Variants in PEX3 observed in about 807,000 individuals in gnomAD.
The protein encoded by PEX3 is peroxin-3.
A neutral mutation model predicts 55.8 loss-of-function variants in PEX3; 30 were observed. The ratio of observed to expected loss-of-function variants is 0.54; its 90% confidence interval spans 0.40 to 0.73. The LOEUF is 0.73. Ranked by LOEUF, PEX3 falls within the 30% of genes least tolerant of loss-of-function variation. The pLI, the probability that PEX3 is intolerant of heterozygous loss-of-function variation, is 0.00. For synonymous variants in PEX3, 135 were observed against 148.4 expected, an observed-to-expected ratio of 0.91 and a Z score of 0.66; for missense variants, 351 against 432.8, an observed-to-expected ratio of 0.81 and a Z score of 1.68.
chr6:143,468,362 GTTA>G (rs1410118241), intron 4 of PEX3, among the ~76,000 whole-genome samples, 197 bp downstream of exon 4: 1 of 152,156 alleles, frequency 6.6e-6, no homozygotes, highest in Non-Finnish European at 1.5e-5. Flanking sequence ...TAATGCTATT[GTTA>G]TTATGATGAT....
chr6:143,468,804 C>CA (rs1780026932), intron 4 of PEX3, among the ~76,000 whole-genome samples: 1 of 15,128 alleles, frequency 6.6e-5, no homozygotes, highest in Non-Finnish European at 1.6e-4. Flanking sequence ...AATGCTATCC[C>CA]CCCCCCCCCC....
At position 143,487,017 on chromosome 6, in the gene PEX3, G is replaced by A. The variant is rs532332852; in HGVS notation, c.1038+1769G>A. On this transcript the variant is annotated intron_variant, in intron 11 of 11. Transcript: ENST00000367591. This position sits in a 1 kb window ranked among gnomAD's most constrained non-coding sequence, Gnocchi z 5.3. Reference sequence around the variant, plus strand: ...CCATACTTTGCTGACCCCTTTGGTAGAAGATATTAGGATGGTAGTTGGTAA... The same window carrying A: ...CCATACTTTGCTGACCCCTTTGGTAAAAGATATTAGGATGGTAGTTGGTAA... Among the ~76,000 whole-genome samples, 1 of 152,300 alleles carries A rather than the reference G, an allele frequency of 6.6e-6. No homozygotes were observed. Among genetic ancestry groups the A allele is most frequent in the Non-Finnish European group, 1.5e-5 (1 of 68,012 alleles).
chr6:143,467,622 A>G (rs1780010338), intron 3 of PEX3, among the ~76,000 whole-genome samples: 1 of 152,142 alleles, frequency 6.6e-6, no homozygotes. Flanking sequence ...AGATTATACA[A>G]ATCAAAAGGA....
chr6:143,471,432 A>G lies in PEX3; in HGVS notation c.506A>G (p.Gln169Arg). Residue 169 changes from glutamine to arginine, a missense_variant, in exon 6 of 12, where the codon CAG (glutamine) becomes CGG (arginine). Coordinates refer to ENST00000367591, the MANE Select transcript of PEX3 (RefSeq NM_003630.3). This position sits in a 1 kb window ranked among gnomAD's most constrained non-coding sequence, Gnocchi z 5.4. Reference protein sequence around the residue: ...DVQQQYLSSIQHLLGDGLTEL... With the variant: ...DVQQQYLSSIRHLLGDGLTEL... ...CAACAGCAGTATTTATCAAGTATTC[A>G]GCACCTACTTGGAGATGGTAAGATT... 1 of 1,603,728 alleles carries G rather than the reference A, an allele frequency of 6.2e-7. No homozygotes were observed. The highest frequency in any genetic ancestry group is 1.1e-5 in the South Asian group (1 of 90,566).
chr6:143,485,312 T>G lies in PEX3; in HGVS notation c.1038+64T>G. ...ATATTTGTGGTGGTGGTCATGTTTGTCTAACATAAAGTTACATTCTCTGCT... is the reference window on the plus strand; with the variant it reads ...ATATTTGTGGTGGTGGTCATGTTTGGCTAACATAAAGTTACATTCTCTGCT... On this transcript the variant is annotated intron_variant, in intron 11 of 11. Coordinates refer to ENST00000367591, the MANE Select transcript of PEX3 (RefSeq NM_003630.3). The surrounding 1 kb of genome is among the most constrained non-coding windows in gnomAD (Gnocchi z 5.6). 1 of 923,682 alleles carries G rather than the reference T, an allele frequency of 1.1e-6. No homozygotes were observed. The highest frequency in any genetic ancestry group is 2.4e-5 in the East Asian group (1 of 41,634). 57.2% of individuals were successfully genotyped at this position (923,682 alleles called of 1,614,324 possible).
At chr6:143,477,582 A>C (rs1329843673) in intron 9 of PEX3, among the ~76,000 whole-genome samples, 3 of 152,136 alleles carry the variant, frequency 2.0e-5, no homozygotes, top group Non-Finnish European at 4.4e-5. Context: ...AGTATGTGGA[A>C]GTTCTCTTTG....
chr6:143,474,273 C>A (rs1463954193), intron 8 of PEX3, among the ~76,000 whole-genome samples: 1 of 151,944 alleles, frequency 6.6e-6, no homozygotes, highest in Non-Finnish European at 1.5e-5. Flanking sequence ...TATGGTGAAA[C>A]CCTGTCTCTA....
In PEX3 at chr6:143,485,222, A is replaced by G. The variant is rs551487082; in HGVS notation, c.1012A>G (p.Ser338Gly). 21 of 1,597,336 alleles carry G rather than the reference A, an allele frequency of 1.3e-5. No individual in the cohort carries two copies. The highest frequency in any genetic ancestry group is 1.8e-5 in the Non-Finnish European group (21 of 1,164,940). ...IVNGQIHSVC[S>G]ETPSHFVQDL... The stretch of plus-strand genomic sequence containing the variant: ...AAACGGACAGATCCATTCAGTTTGC[A>G]GTGAAACACCTAGTCATTTTGTTCA... Residue 338 changes from serine to glycine, a missense_variant, in exon 11 of 12, where the codon AGT becomes GGT. Physicochemically the swap from Ser to Gly is moderately conservative, Grantham distance 56. Transcript: ENST00000367591. This position sits in a 1 kb window ranked among gnomAD's most constrained non-coding sequence, Gnocchi z 5.6.
At chr6:143,477,007 A>G (rs1780162348) in intron 9 of PEX3, among the ~76,000 whole-genome samples, 1 of 152,212 alleles carries the variant, frequency 6.6e-6, no homozygotes, top group Admixed American at 6.5e-5. Context: ...AGACAATTGA[A>G]GAAATGTTTC....
intron 4 of PEX3, among the ~76,000 whole-genome samples, chr6:143,470,488 G>A (rs1446374224): frequency 6.6e-6 from 1 of 152,118 alleles, no homozygotes; most frequent in South Asian, 2.1e-4. Context: ...TGAACACCCT[G>A]TCCTAAGCTA....
At position 143,489,881 on chromosome 6, in the gene PEX3, A is replaced by G. The variant is rs1400347784; in HGVS notation, c.*655A>G. The stretch of plus-strand genomic sequence containing the variant: ...AGTTACATATTGGTTTAGAGGCTAA[A>G]ATTGTGTTGATGCTGTTTACTCACC... On this transcript the variant is annotated 3_prime_UTR_variant, in exon 12 of 12. Coordinates refer to ENST00000367591, the MANE Select transcript of PEX3 (RefSeq NM_003630.3). This position sits in a 1 kb window ranked among gnomAD's most constrained non-coding sequence, Gnocchi z 5.5. 6.6e-6 allele frequency: 1 copy of G among 152,158 alleles called. No individual in the cohort carries two copies. The highest frequency in any genetic ancestry group is 2.4e-5 in the African/African-American group (1 of 41,452). 9.4% of individuals were successfully genotyped at this position (152,158 alleles called of 1,614,324 possible).
At chr6:143,481,039 A>C (rs1371785168) in intron 10 of PEX3, among the ~76,000 whole-genome samples, 1 of 126,332 alleles carries the variant, frequency 7.9e-6, no homozygotes, top group Non-Finnish European at 1.6e-5. Flanking sequence ...TAAGGTTTTT[A>C]ACTATTGGCA....
chr6:143,457,777 C>G (rs1314449522), intron 1 of PEX3, among the ~76,000 whole-genome samples: 2 of 152,184 alleles, frequency 1.3e-5, no homozygotes, highest in East Asian at 3.9e-4. Flanking sequence ...GTTCTGTAAG[C>G]TTATTGAAGT....
rs1779952695 is a variant in PEX3, at chr6:143,463,565, T to C, written c.287+568T>C. Among the ~76,000 whole-genome samples, 1 of 152,054 alleles carries C rather than the reference T, an allele frequency of 6.6e-6. No individual in the cohort carries two copies. Among genetic ancestry groups the C allele is most frequent in the South Asian group, 2.1e-4 (1 of 4,824 alleles). On this transcript the variant is annotated intron_variant, in intron 3 of 11. Transcript: ENST00000367591. The surrounding 1 kb of genome is among the most constrained non-coding windows in gnomAD (Gnocchi z 5.7). ...GCATGTAGCATGTGTTGGGGTATTG[T>C]AATTTGGTATGATACTGTATTAGTT...
chr6:143,484,111 G>A (rs1780281061), intron 10 of PEX3, among the ~76,000 whole-genome samples: 1 of 152,142 alleles, frequency 6.6e-6, no homozygotes, highest in Non-Finnish European at 1.5e-5. Context: ...GCCCTAGGTT[G>A]AAATGTATGA....
At chr6:143,484,886 A>C (rs1484166960) in intron 10 of PEX3, 1 of 413,900 alleles carries the variant, frequency 2.4e-6, no homozygotes, top group African/African-American at 2.0e-5. Flanking sequence ...CATAACAATA[A>C]AAATGCAAAA....
In PEX3 at chr6:143,463,025, T is replaced by G; in HGVS notation, c.287+28T>G. 1 of 1,489,902 alleles carries G rather than the reference T, an allele frequency of 6.7e-7. No homozygotes were observed. Among genetic ancestry groups the G allele is most frequent in the Admixed American group, 1.7e-5 (1 of 59,786 alleles). The allele number at this position is 1,489,902 out of a possible 1,614,324, so 92.3% of individuals were successfully genotyped here. ...AAATGCAAGTTACAGCATTTTCTGT[T>G]TAAGCACTACACTTAAAGTTTATAG... is the stretch of plus-strand genomic sequence containing the variant. On this transcript the variant is annotated intron_variant, in intron 3 of 11. Coordinates refer to ENST00000367591, the MANE Select transcript of PEX3 (RefSeq NM_003630.3). The surrounding 1 kb of genome is among the most constrained non-coding windows in gnomAD (Gnocchi z 5.7).
In PEX3 at chr6:143,476,389, G is replaced by A. The variant is rs1318629851; in HGVS notation, c.818+1533G>A. Among the ~76,000 whole-genome samples the A allele has an allele frequency of 2.6e-5, 4 of 152,178 alleles. No homozygotes were observed. Among genetic ancestry groups the A allele is most frequent in the African/African-American group, 9.7e-5 (4 of 41,436 alleles). ...TTTGTTTTTTATTCTTAATGTATGG[G>A]AAGCCATTGGAGAATTTTAAGCAGG... On this transcript the variant is annotated intron_variant, in intron 9 of 11. Coordinates refer to ENST00000367591, the MANE Select transcript of PEX3 (RefSeq NM_003630.3). This position sits in a 1 kb window ranked among gnomAD's most constrained non-coding sequence, Gnocchi z 5.4.
Position 143,479,360 on chromosome 6 carries a change from AGCTC to A in PEX3, c.941+163_941+166del, listed in dbSNP as rs1780200269. ...AACCAACAACTTCTTCACTAGCAGA[AGCTC>A]CTTCTTGGTTTCAGTATTAAAACTT... is the stretch of plus-strand genomic sequence containing the variant. On this transcript the variant is annotated intron_variant, in intron 10 of 11. Coordinates refer to ENST00000367591, the MANE Select transcript of PEX3 (RefSeq NM_003630.3). This position sits in a 1 kb window ranked among gnomAD's most constrained non-coding sequence, Gnocchi z 4.6. Among the ~76,000 whole-genome samples the A allele has an allele frequency of 6.6e-6, 1 of 152,112 alleles. No homozygotes were observed. Among genetic ancestry groups the A allele is most frequent in the Admixed American group, 6.5e-5 (1 of 15,268 alleles).
Sources: allele counts gnomAD v4.1 joint callset (sites outside exome capture counted in the v4.1 genomes callset), GRCh38; gene constraint gnomAD v4.1.1; non-coding constraint Gnocchi (gnomAD v3.1); transcripts MANE v1.5; gene names NCBI Gene and HGNC (gene_info 2026-07-23, HGNC 2026-07-21).